SNX12: variants seen among roughly 807,000 people sequenced by gnomAD.
SNX12 encodes the protein sorting nexin 12.
For missense variants in SNX12, 62 were observed against 141.3 expected, an observed-to-expected ratio of 0.44 and a Z score of 2.84; for synonymous variants, 47 against 56.0, an observed-to-expected ratio of 0.84 and a Z score of 0.71.
rs779754564 is a variant in SNX12 at position 71,062,710 on chromosome X, C to T, written c.261+144G>A. On this transcript the variant is annotated intron_variant, in intron 2 of 3. Transcript: ENST00000374274. ...TTTCAAGTTTCAAAAGGTATCCCCC[C>T]GATCTAAAATACTGAGATTTGATGG... 1.8e-4 allele frequency: 80 copies of T among 447,369 alleles called. 1 individual carries two copies. Among genetic ancestry groups the T allele is most frequent in the South Asian group, 1.5e-3 (50 of 32,287 alleles). 36.9% of individuals were successfully genotyped at this position (447,369 alleles called of 1,213,427 possible).
In SNX12 at chrX:71,061,987, T is replaced by TCCAG. The variant is rs1448141324; in HGVS notation, c.262-24_262-21dup. 8.5e-7 allele frequency: 1 copy of TCCAG among 1,178,920 alleles called. No individual in the cohort carries two copies. The highest frequency in any genetic ancestry group is 1.8e-5 in the African/African-American group (1 of 55,186). Reference sequence around the variant, plus strand: ...TACAATCTGCAGGCACACACAAAATTCCAGCCACATGGGAGAGAGACAGAG... The same window carrying TCCAG: ...TACAATCTGCAGGCACACACAAAATTCCAGCCAGCCACATGGGAGAGAGACAGAG... On this transcript the variant is annotated intron_variant, in intron 2 of 3. Coordinates refer to ENST00000374274, the MANE Select transcript of SNX12 (RefSeq NM_013346.4).
intron 1 of SNX12, among the ~76,000 whole-genome samples, chrX:71,067,771 G>T (rs1292655152): frequency 1.8e-5 from 2 of 110,947 alleles, no homozygotes; most frequent in Admixed American, 1.9e-4. Flanking sequence ...GCGATATATC[G>T]CCTTGGCTTT....
chrX:71,063,525 TTTA>T (rs754811197), intron 1 of SNX12, among the ~76,000 whole-genome samples: 5 of 110,134 alleles, frequency 4.5e-5, no homozygotes, highest in Non-Finnish European at 5.7e-5. Flanking sequence ...TTCACTGCAT[TTTA>T]TTATTTATAA....
Position 71,061,067 on chromosome X carries a change from C to A in SNX12, c.438G>T (p.Leu146=), listed in dbSNP as rs144068848. The A allele has an allele frequency of 3.3e-6, 4 of 1,208,811 alleles. No individual in the cohort carries two copies. In the African/African-American group the frequency reaches 7.0e-5, roughly 21 times the overall value. The part of the protein sequence containing the change: ...AQNERCLHMF[L]QEEAIDRNYV... Reference sequence around the variant, plus strand: ...AGTTCCTGTCAATTGCCTCCTCTTGCAGGAACATGTGTAGGCAGCGTTCAT... The same window carrying A: ...AGTTCCTGTCAATTGCCTCCTCTTGAAGGAACATGTGTAGGCAGCGTTCAT... Residue 146 remains leucine, a synonymous_variant, in exon 4 of 4, where the codon CTG becomes CTT. Coordinates refer to ENST00000374274, the MANE Select transcript of SNX12 (RefSeq NM_013346.4).
chrX:71,072,005 C>A (rs2092175465), upstream of SNX12, among the ~76,000 whole-genome samples: 1 of 110,354 alleles, frequency 9.1e-6, no homozygotes, highest in African/African-American at 3.3e-5. Context: ...CGCCTGTAAT[C>A]CCAGTACTTT....
intron 1 of SNX12, among the ~76,000 whole-genome samples, chrX:71,066,657 C>T (rs2092155124): frequency 9.3e-6 from 1 of 106,960 alleles, no homozygotes; most frequent in Non-Finnish European, 1.9e-5. Context: ...ATCCCTAAGA[C>T]TCTTGGGTAA....
Position 71,060,959 on chromosome X carries a change from T to C in SNX12, c.*57A>G. On this transcript the variant is annotated 3_prime_UTR_variant, in exon 4 of 4. Coordinates refer to ENST00000374274, the MANE Select transcript of SNX12 (RefSeq NM_013346.4). ...AGATCAAAGACAGAGAGAGGCTTAG[T>C]GTAAAAACCAATGTCATTTCAGCAG... 1 of 913,701 alleles carries C rather than the reference T, an allele frequency of 1.1e-6. No individual in the cohort carries two copies. The highest frequency in any genetic ancestry group is 1.6e-6 in the Non-Finnish European group (1 of 636,843). The allele number at this position is 913,701 out of a possible 1,213,427, so 75.3% of individuals were successfully genotyped here. A position where few individuals can be genotyped will look rare whatever the true frequency, so the allele number is the denominator to read the frequency against.
At chrX:71,065,804 CAAAA>C (rs36018264) in intron 1 of SNX12, among the ~76,000 whole-genome samples, 2 of 81,929 alleles carry the variant, frequency 2.4e-5, no homozygotes, top group Non-Finnish European at 2.4e-5. Flanking sequence ...AACTCTATCT[CAAAA>C]AAAAAAAAAA....
At chrX:71,066,522 G>A (rs374499531) in intron 1 of SNX12, among the ~76,000 whole-genome samples, 3 of 107,463 alleles carry the variant, frequency 2.8e-5, no homozygotes, top group South Asian at 4.2e-4. Flanking sequence ...CCCAGGAGGC[G>A]GAGGTTGCAG....
At chrX:71,071,967 C>G (rs2092175336), upstream of SNX12, among the ~76,000 whole-genome samples, 1 of 109,476 alleles carries the variant, frequency 9.1e-6, no homozygotes, top group African/African-American at 3.3e-5. Flanking sequence ...CAGAAAAGAA[C>G]AGCTTGTGGG....
At chrX:71,062,000 G>C in intron 2 of SNX12, 33 bp from the exon 3 acceptor site, 3 of 1,165,505 alleles carry the variant, frequency 2.6e-6, no homozygotes, top group Non-Finnish European at 3.4e-6. Context: ...AGCCACATGG[G>C]AGAGAGACAG....
chrX:71,062,961 G>A lies in SNX12; in HGVS notation c.166-12C>T, dbSNP rs768482613. ...ATAGGTAGGTTTGTCTACATGGAAG[G>A]AAAAATTAAAGAAGAAAGATGGTAA... On this transcript the variant is annotated splice_polypyrimidine_tract_variant and intron_variant, in intron 1 of 3. Coordinates refer to ENST00000374274, the MANE Select transcript of SNX12 (RefSeq NM_013346.4). The A allele has an allele frequency of 1.8e-6, 2 of 1,123,046 alleles. No individual in the cohort carries two copies. The highest frequency in any genetic ancestry group is 2.4e-4 in the Middle Eastern group (1 of 4,150). The allele number at this position is 1,123,046 out of a possible 1,213,427, so 92.6% of individuals were successfully genotyped here.
upstream of SNX12, among the ~76,000 whole-genome samples, chrX:71,069,934 C>G (rs2092167441): frequency 1.1e-5 from 1 of 92,454 alleles, no homozygotes; most frequent in African/African-American, 4.1e-5. Flanking sequence ...GAGCAAGACT[C>G]CATCAAAAAA....
intron 1 of SNX12, among the ~76,000 whole-genome samples, chrX:71,067,118 T>C (rs1021753870): frequency 8.9e-6 from 1 of 112,164 alleles, no homozygotes; most frequent in Non-Finnish European, 1.9e-5. Flanking sequence ...TCTCAAACTG[T>C]TTTGCCTATA....
chrX:71,063,204 A>G (rs1460740676), intron 1 of SNX12, among the ~76,000 whole-genome samples: 1 of 111,886 alleles, frequency 8.9e-6, no homozygotes. Flanking sequence ...ATATGTACAT[A>G]TAAGAGTTTT....
In SNX12 at chrX:71,063,369, C is replaced by T. The variant is rs2092139395; in HGVS notation, c.166-420G>A. Among the ~76,000 whole-genome samples, 3 of 109,078 alleles carry T rather than the reference C, an allele frequency of 2.8e-5. No individual in the cohort carries two copies. The South Asian group carries it at 1.2e-3, about 43-fold the overall frequency. 94.7% of individuals were successfully genotyped at this position (109,078 alleles called of 115,157 possible). A position where few individuals can be genotyped will look rare whatever the true frequency, so the allele number is the denominator to read the frequency against. On this transcript the variant is annotated intron_variant, in intron 1 of 3. Transcript: ENST00000374274. Reference sequence around the variant, plus strand: ...AAAATTAGCCAGGTGTGGCGGCACACACTTGTAATCTCAGCAACTTGTGAG... The same window carrying T: ...AAAATTAGCCAGGTGTGGCGGCACATACTTGTAATCTCAGCAACTTGTGAG...
chrX:71,063,390 G>A (rs1346253266), intron 1 of SNX12, among the ~76,000 whole-genome samples: 1 of 108,704 alleles, frequency 9.2e-6, no homozygotes, highest in African/African-American at 3.4e-5. Context: ...TCAGCAACTT[G>A]TGAGGCTGAG....
chrX:71,072,991 G>A (rs1165679401), upstream of SNX12, among the ~76,000 whole-genome samples: 1 of 100,953 alleles, frequency 9.9e-6, no homozygotes, highest in Non-Finnish European at 2.0e-5. Flanking sequence ...ACTAAGTGAT[G>A]TTGGGTGAAA....
upstream of SNX12, among the ~76,000 whole-genome samples, chrX:71,068,777 T>C (rs983627906): frequency 8.9e-6 from 1 of 112,133 alleles, no homozygotes; most frequent in African/African-American, 3.2e-5. Flanking sequence ...GGGTGGTCTA[T>C]GGAGGGTGGG....
Sources: allele counts gnomAD v4.1 joint callset (sites outside exome capture counted in the v4.1 genomes callset), GRCh38; gene constraint gnomAD v4.1.1; transcripts MANE v1.5; gene names NCBI Gene and HGNC (gene_info 2026-07-23, HGNC 2026-07-21).